Variants in PPCDC observed in about 807,000 individuals in gnomAD.
PPCDC encodes phosphopantothenoylcysteine decarboxylase.
Under a neutral mutation model 20.7 loss-of-function variants are expected in PPCDC, and 20 were observed. The observed-to-expected ratio is 0.97, with a 90% confidence interval of 0.68 to 1.41. The LOEUF (loss-of-function observed/expected upper bound fraction) is 1.41. Among genes scored for constraint, PPCDC ranks in the 40% most tolerant of loss-of-function variants. The pLI is 0.00. For missense variants in PPCDC, 246 were observed against 263.8 expected, an observed-to-expected ratio of 0.93 and a Z score of 0.47; for synonymous variants, 88 against 100.3, an observed-to-expected ratio of 0.88 and a Z score of 0.73.
At chr15:75,046,383 C>G (rs2066234711) in intron 4 of PPCDC, among the ~76,000 whole-genome samples, 1 of 152,262 alleles carries the variant, frequency 6.6e-6, no homozygotes, top group South Asian at 2.1e-4. Flanking sequence ...TCAGCAGCAG[C>G]TGGTGTGACA....
chr15:75,048,518 T>C (rs770130155), intron 4 of PPCDC, 35 bp from the exon 5 acceptor site: 4 of 1,600,796 alleles, frequency 2.5e-6, no homozygotes, highest in Non-Finnish European at 3.4e-6. Flanking sequence ...GCAGACAGAG[T>C]AGCAAGACCC....
chr15:75,036,256 T>A (rs2066083812), intron 2 of PPCDC, among the ~76,000 whole-genome samples: 1 of 152,216 alleles, frequency 6.6e-6, no homozygotes, highest in South Asian at 2.1e-4. Context: ...TGGTTTTATT[T>A]ATTTATTTAT....
intron 2 of PPCDC, among the ~76,000 whole-genome samples, chr15:75,042,595 G>A (rs532592932): frequency 1.5e-4 from 23 of 151,024 alleles, no homozygotes; most frequent in African/African-American, 5.6e-4. Context: ...GGAGGTTGCG[G>A]TGAGCCGAGA....
intron 2 of PPCDC, among the ~76,000 whole-genome samples, chr15:75,035,761 C>T (rs531447944): frequency 1.3e-5 from 2 of 152,204 alleles, no homozygotes; most frequent in African/African-American, 4.8e-5. Flanking sequence ...GAGGCCAGGA[C>T]TTTGAAACCA....
chr15:75,026,023 G>A (rs1368509751), intron 1 of PPCDC, among the ~76,000 whole-genome samples: 7 of 152,138 alleles, frequency 4.6e-5, no homozygotes, highest in Admixed American at 2.0e-4. Flanking sequence ...CTGTATTTCG[G>A]ACTATAGTGC....
intron 2 of PPCDC, among the ~76,000 whole-genome samples, chr15:75,033,150 TA>T (rs1238388101): frequency 6.6e-6 from 1 of 152,218 alleles, no homozygotes; most frequent in Non-Finnish European, 1.5e-5. Context: ...AATAGTATTT[TA>T]TGACTCGGAA....
In PPCDC at chr15:75,028,417, G is replaced by A; in HGVS notation, c.99G>A (p.Leu33=). 6.2e-7 allele frequency: 1 copy of A among 1,614,222 alleles called. No individual in the cohort carries two copies. Among genetic ancestry groups the A allele is most frequent in the Non-Finnish European group, 8.5e-7 (1 of 1,180,040 alleles). The change falls in exon 2 of 6, where the codon TTG becomes TTA. Residue 33 remains leucine (L), a synonymous_variant. Coordinates refer to ENST00000342932, the MANE Select transcript of PPCDC (RefSeq NM_021823.5). ...GVTGSVAALK[L]PLLVSKLLDI... ...CGGGGAGTGTCGCAGCCCTGAAGTT[G>A]CCTCTTCTGGTGTCAAAGCTTTTGG...
At chr15:75,040,811 C>A (rs1462104722) in intron 2 of PPCDC, among the ~76,000 whole-genome samples, 1 of 152,106 alleles carries the variant, frequency 6.6e-6, no homozygotes, top group Non-Finnish European at 1.5e-5. Context: ...TACAGGCGCA[C>A]ACCACCATGC....
At chr15:75,031,123 A>T (rs948265005) in intron 2 of PPCDC, among the ~76,000 whole-genome samples, 1 of 152,166 alleles carries the variant, frequency 6.6e-6, no homozygotes, top group African/African-American at 2.4e-5. Flanking sequence ...AAGGAGGGGC[A>T]GGTTCTCAAA....
At chr15:75,044,240 G>A (rs1421837593) in intron 3 of PPCDC, 146 bp from the exon 4 acceptor site, 11 of 1,163,614 alleles carry the variant, frequency 9.5e-6, no homozygotes, top group Admixed American at 2.1e-5. Context: ...GCTAGCGCTC[G>A]CCAGCTTAGC....
chr15:75,039,111 G>C (rs2066121258), intron 2 of PPCDC, among the ~76,000 whole-genome samples: 1 of 152,150 alleles, frequency 6.6e-6, no homozygotes, highest in Non-Finnish European at 1.5e-5. Flanking sequence ...ACTCTCCTCA[G>C]ATATCTGATA....
rs2066296199 is a variant in PPCDC, at chr15:75,050,054, T to A, written c.*819T>A. 6.6e-6 allele frequency: 1 copy of A among 152,230 alleles called. No individual in the cohort carries two copies. The highest frequency in any genetic ancestry group is 1.5e-5 in the Non-Finnish European group (1 of 68,044). 9.4% of individuals were successfully genotyped at this position (152,230 alleles called of 1,614,324 possible). ...TGAAATTTTGTGTGCAGAATACCCA[T>A]GCCACTGAGTGCCTGGAACGTAGTA... On this transcript the variant is annotated 3_prime_UTR_variant, in exon 6 of 6. Coordinates refer to ENST00000342932, the MANE Select transcript of PPCDC (RefSeq NM_021823.5).
intron 2 of PPCDC, among the ~76,000 whole-genome samples, chr15:75,029,229 C>T (rs1483205699): frequency 1.3e-5 from 2 of 152,198 alleles, no homozygotes; most frequent in Admixed American, 6.5e-5. Context: ...CTCGCCTTTT[C>T]ACATTCTGTG....
At chr15:75,035,598 T>C (rs1198941919) in intron 2 of PPCDC, among the ~76,000 whole-genome samples, 1 of 152,192 alleles carries the variant, frequency 6.6e-6, no homozygotes, top group Non-Finnish European at 1.5e-5. Context: ...TGCAGGCAGC[T>C]TATGTAATAG....
At chr15:75,033,717 G>T (rs1372514400) in intron 2 of PPCDC, among the ~76,000 whole-genome samples, 1 of 152,026 alleles carries the variant, frequency 6.6e-6, no homozygotes, top group African/African-American at 2.4e-5. Flanking sequence ...GAAACTCTGA[G>T]ACCTTTATTT....
Position 75,049,291 on chromosome 15 carries a change from C to A in PPCDC, c.*56C>A. ...TACTCAGAATGGGTTCAGGCCAAGT[C>A]GGTGAAGATGGATGTTGGCAAAATA... On this transcript the variant is annotated 3_prime_UTR_variant, in exon 6 of 6. Transcript: ENST00000342932. The A allele has an allele frequency of 6.5e-7, 1 of 1,537,830 alleles. No individual in the cohort carries two copies. Among genetic ancestry groups the A allele is most frequent in the Non-Finnish European group, 9.0e-7 (1 of 1,113,500 alleles).
At chr15:75,023,941 A>G (rs1178103398) in intron 1 of PPCDC, among the ~76,000 whole-genome samples, 1 of 152,124 alleles carries the variant, frequency 6.6e-6, no homozygotes, top group African/African-American at 2.4e-5. Flanking sequence ...GTGTCGTTTA[A>G]TCTAGTTTAA....
intron 4 of PPCDC, chr15:75,045,023 A>T (rs2066212419): frequency 1.3e-5 from 2 of 158,500 alleles, no homozygotes; most frequent in Admixed American, 1.2e-4. Context: ...GAGGGGAGAA[A>T]GACGGGGCAG....
chr15:75,035,904 T>G (rs375890666), intron 2 of PPCDC, among the ~76,000 whole-genome samples: 1 of 147,982 alleles, frequency 6.8e-6, no homozygotes, highest in Admixed American at 6.9e-5. Flanking sequence ...GAGGCAGAGG[T>G]TGCAGTGAGC....
Sources: gnomAD v4.1 joint callset for allele counts (sites outside exome capture counted in the v4.1 genomes callset) on GRCh38, gnomAD v4.1.1 for gene constraint, MANE v1.5 for transcripts, NCBI Gene and HGNC (gene_info 2026-07-23, HGNC 2026-07-21) for gene names.